The following SAE1 variants were observed in gnomAD, a reference collection of about 807,000 sequenced individuals.
SAE1 encodes the protein SUMO1 activating enzyme subunit 1.
A neutral mutation model predicts 40.6 loss-of-function variants in SAE1; 11 were observed. The observed-to-expected ratio is 0.27, with a 90% confidence interval of 0.17 to 0.45. The LOEUF (loss-of-function observed/expected upper bound fraction) is 0.45. Among genes scored for constraint, SAE1 ranks in the 20% least tolerant of loss-of-function variants. SAE1 has a pLI of 1.00. For synonymous variants in SAE1, 155 were observed against 154.3 expected, an observed-to-expected ratio of 1.00 and a Z score of -0.03; for missense variants, 373 against 427.3, an observed-to-expected ratio of 0.87 and a Z score of 1.12.
chr19:47,194,312 C>T (rs865986747), intron 6 of SAE1, among the ~76,000 whole-genome samples: 1 of 152,180 alleles, frequency 6.6e-6, no homozygotes, highest in East Asian at 1.9e-4. Context: ...AAGTGTGACT[C>T]TGATGCTTCA....
chr19:47,182,494 T>TGCGCGC (rs1195553514), intron 6 of SAE1, among the ~76,000 whole-genome samples: 3 of 137,400 alleles, frequency 2.2e-5, no homozygotes, highest in East Asian at 2.1e-4. Flanking sequence ...TGTGTGTGTG[T>TGCGCGC]GTGCGCGCAC....
chr19:47,174,182 C>G (rs1412664094), intron 6 of SAE1, among the ~76,000 whole-genome samples: 2 of 152,154 alleles, frequency 1.3e-5, no homozygotes, highest in South Asian at 2.1e-4. Flanking sequence ...ATGTTTACCA[C>G]TCTCTCCCAG....
At chr19:47,144,619 A>G (rs2123195516) in intron 2 of SAE1, among the ~76,000 whole-genome samples, 1 of 151,924 alleles carries the variant, frequency 6.6e-6, no homozygotes, top group East Asian at 2.0e-4. Flanking sequence ...GAATGGCGTG[A>G]ACCTGGGAGG....
chr19:47,150,816 G>A (rs150281615), intron 3 of SAE1, among the ~76,000 whole-genome samples: 37 of 152,288 alleles, frequency 2.4e-4, no homozygotes, highest in Non-Finnish European at 4.4e-4. Flanking sequence ...CTTAAGAAAA[G>A]CACACCTGAT....
intron 7 of SAE1, among the ~76,000 whole-genome samples, chr19:47,201,137 C>T (rs2058651837): frequency 6.6e-6 from 1 of 151,732 alleles, no homozygotes; most frequent in Admixed American, 6.6e-5. Flanking sequence ...CGCCTCTGTG[C>T]TCTGTGGTTC....
intron 1 of SAE1, among the ~76,000 whole-genome samples, chr19:47,140,357 C>T (rs1381597580): frequency 1.3e-5 from 2 of 151,600 alleles, no homozygotes; most frequent in Non-Finnish European, 2.9e-5. Flanking sequence ...CTGCCTGTCT[C>T]GGCCTCCCAA....
At chr19:47,168,691 C>T (rs551730046) in intron 5 of SAE1, among the ~76,000 whole-genome samples, 7 of 152,246 alleles carry the variant, frequency 4.6e-5, no homozygotes, top group Admixed American at 3.9e-4. Context: ...CAACCTCCCC[C>T]CTCCTAGGTT....
rs578232049 is a variant in SAE1 at position 47,194,946 on chromosome 19, T to C, written c.734-2287T>C. On this transcript the variant is annotated intron_variant, in intron 6 of 8. Transcript: ENST00000270225. ...TTTTAGTAGAGACGGGGTTTCACCA[T>C]GTTGGCCAGGCTGGTCTCTAACTTC... is the stretch of plus-strand genomic sequence containing the variant. Among the ~76,000 whole-genome samples, 130 of 151,682 alleles carry C rather than the reference T, an allele frequency of 8.6e-4. 1 individual carries two copies. Among genetic ancestry groups the C allele is most frequent in the African/African-American group, 3.0e-3 (123 of 41,326 alleles).
intron 4 of SAE1, among the ~76,000 whole-genome samples, chr19:47,154,530 A>T (rs1259759274): frequency 2.0e-5 from 2 of 101,062 alleles, no homozygotes; most frequent in East Asian, 6.4e-4. Flanking sequence ...ACTTTCACTC[A>T]GTTGCCCAGG....
At chr19:47,169,111 C>T (rs1381005856) in intron 5 of SAE1, among the ~76,000 whole-genome samples, 2 of 152,136 alleles carry the variant, frequency 1.3e-5, no homozygotes, top group Non-Finnish European at 2.9e-5. Context: ...TTATACCATT[C>T]CTCTGCCAAG....
intron 6 of SAE1, among the ~76,000 whole-genome samples, chr19:47,186,184 G>A (rs899293773): frequency 1.3e-5 from 2 of 151,692 alleles, no homozygotes; most frequent in African/African-American, 2.4e-5. Context: ...AGCTTGCGGT[G>A]AGCCGAGATC....
intron 6 of SAE1, among the ~76,000 whole-genome samples, chr19:47,170,262 G>A: frequency 6.6e-6 from 1 of 151,656 alleles, no homozygotes; most frequent in South Asian, 2.1e-4. Flanking sequence ...ACCCAGACTG[G>A]AGTGCAGTGG....
Position 47,130,880 on chromosome 19 carries a change from C to A in SAE1, c.-51C>A. 6.5e-7 allele frequency: 1 copy of A among 1,545,260 alleles called. No individual in the cohort carries two copies. Among genetic ancestry groups the A allele is most frequent in the Non-Finnish European group, 8.7e-7 (1 of 1,145,014 alleles). On this transcript the variant is annotated 5_prime_UTR_variant, in exon 1 of 9. Transcript: ENST00000270225. ...GGCGGTAGGTGGCGCGCGGGTCCGG[C>A]GGGCGGTTGGCTTGAGCGGGACCGG...
At chr19:47,183,123 C>T (rs1426042037) in intron 6 of SAE1, among the ~76,000 whole-genome samples, 1 of 152,096 alleles carries the variant, frequency 6.6e-6, no homozygotes, top group Non-Finnish European at 1.5e-5. Flanking sequence ...ACCATGTTGG[C>T]CAGGCTGGTC....
At chr19:47,186,999 G>A (rs564712536) in intron 6 of SAE1, among the ~76,000 whole-genome samples, 1 of 152,336 alleles carries the variant, frequency 6.6e-6, no homozygotes, top group South Asian at 2.1e-4. Flanking sequence ...CCCCACCACA[G>A]CTAGCATAGG....
intron 2 of SAE1, among the ~76,000 whole-genome samples, chr19:47,144,280 G>A (rs2058241417): frequency 6.6e-6 from 1 of 152,144 alleles, no homozygotes; most frequent in Non-Finnish European, 1.5e-5. Flanking sequence ...TTTGCAGTGA[G>A]CTGAGATGGC....
At chr19:47,182,464 AGTGT>A (rs113149127) in intron 6 of SAE1, among the ~76,000 whole-genome samples, 2,867 of 144,436 alleles carry the variant, frequency 0.02, 54 homozygotes, top group African/African-American at 0.053. Flanking sequence ...AAAAAAGCGT[AGTGT>A]GTGTGTGTGT....
intron 6 of SAE1, among the ~76,000 whole-genome samples, chr19:47,183,118 G>A (rs1005220948): frequency 6.6e-6 from 1 of 152,082 alleles, no homozygotes; most frequent in African/African-American, 2.4e-5. Context: ...CTTTCACCAT[G>A]TTGGCCAGGC....
At chr19:47,208,259 T>G (rs1394991239) in intron 8 of SAE1, among the ~76,000 whole-genome samples, 3 of 151,918 alleles carry the variant, frequency 2.0e-5, no homozygotes, top group African/African-American at 7.3e-5. Flanking sequence ...TGTTTTTTTG[T>G]TTGTTTGTTT....
Sources: allele counts gnomAD v4.1 joint callset (sites outside exome capture counted in the v4.1 genomes callset), GRCh38; gene constraint gnomAD v4.1.1; transcripts MANE v1.5; gene names NCBI Gene and HGNC (gene_info 2026-07-23, HGNC 2026-07-21).